Variants in SOX6 observed in about 807,000 individuals in gnomAD.
The protein encoded by SOX6 is transcription factor SOX-6.
In SOX6, 11 loss-of-function variants were observed where a neutral mutation model predicts 97.8. The ratio of observed to expected loss-of-function variants is 0.11; its 90% confidence interval spans 0.07 to 0.19. The LOEUF is 0.19. SOX6 is among the 10% of genes least tolerant of loss of function. The probability of loss-of-function intolerance (pLI) is 1.00; values close to 1 mark genes in which losing one functional copy is unlikely to be tolerated. For synonymous variants in SOX6, 360 were observed against 371.4 expected, an observed-to-expected ratio of 0.97 and a Z score of 0.35; for missense variants, 810 against 1,039.5, an observed-to-expected ratio of 0.78 and a Z score of 3.04.
At chr11:16,218,333 T>C (rs1291712085) in intron 4 of SOX6, among the ~76,000 whole-genome samples, 1 of 152,122 alleles carries the variant, frequency 6.6e-6, no homozygotes, top group South Asian at 2.1e-4. Context: ...TTATATGAAA[T>C]GCATCAAACT....
intron 3 of SOX6, among the ~76,000 whole-genome samples, chr11:16,245,813 A>C (rs1054520523): frequency 3.2e-4 from 49 of 151,428 alleles, no homozygotes; most frequent in African/African-American, 1.2e-3. Flanking sequence ...ACATATTTAC[A>C]TCTTTATATT....
intron 4 of SOX6, among the ~76,000 whole-genome samples, chr11:16,522,201 A>C (rs1464092278): frequency 1.3e-5 from 2 of 152,216 alleles, no homozygotes; most frequent in Non-Finnish European, 2.9e-5. Flanking sequence ...AGTTGAAATG[A>C]AGGAAAAAAT....
intron 1 of SOX6, among the ~76,000 whole-genome samples, chr11:16,391,063 AC>A (rs1177459671): frequency 6.6e-6 from 1 of 152,168 alleles, no homozygotes; most frequent in Non-Finnish European, 1.5e-5. Flanking sequence ...GAAGCTGGAA[AC>A]CGTCATTCTC....
chr11:16,449,277 C>CTTT (rs10611823), intron 1 of SOX6, among the ~76,000 whole-genome samples: 866 of 62,938 alleles, frequency 0.014, 152 homozygotes, highest in African/African-American at 0.036. Context: ...AATGCTCCTT[C>CTTT]TTTTTTTTTT....
chr11:16,419,467 C>G (rs995077166), intron 1 of SOX6, among the ~76,000 whole-genome samples: 1 of 151,552 alleles, frequency 6.6e-6, no homozygotes, highest in African/African-American at 2.4e-5. Flanking sequence ...TCTTTGAAAA[C>G]AAAATCAAGA....
At chr11:16,512,848 C>G (rs4411253) in intron 4 of SOX6, among the ~76,000 whole-genome samples, 147,337 of 152,288 alleles carry the variant, frequency 0.97, 71,475 homozygotes, top group East Asian at 1. Flanking sequence ...AATAACAAAA[C>G]TATCTGAAAA....
At chr11:16,285,231 A>G (rs1312468902) in intron 3 of SOX6, among the ~76,000 whole-genome samples, 1 of 152,172 alleles carries the variant, frequency 6.6e-6, no homozygotes, top group Non-Finnish European at 1.5e-5. Context: ...CTGATAGAAT[A>G]ATTGTAAAAA....
intron 1 of SOX6, among the ~76,000 whole-genome samples, chr11:16,345,872 T>A (rs1856764442): frequency 6.6e-6 from 1 of 152,036 alleles, no homozygotes; most frequent in Admixed American, 6.6e-5. Context: ...AAAGTATCCA[T>A]CTTTCAAAAC....
At chr11:16,313,569 G>A (rs1255071747) in intron 3 of SOX6, 1 of 152,156 alleles carries the variant, frequency 6.6e-6, no homozygotes, top group Non-Finnish European at 1.5e-5. Flanking sequence ...TGGTGGAGCT[G>A]TTATACCTCC....
In SOX6 at chr11:16,518,776, C is replaced by CA. The variant is rs199824776; in HGVS notation, n.610-42389dup. Among the ~76,000 whole-genome samples the CA allele has an allele frequency of 2.5e-3, 381 of 151,630 alleles. 2 individuals carry two copies. Among genetic ancestry groups the CA allele is most frequent in the South Asian group, 7.5e-3 (36 of 4,806 alleles). On this transcript the variant is annotated intron_variant and non_coding_transcript_variant, in intron 4 of 5. Coordinates refer to the SOX6 transcript ENST00000524520. ...CAAACACTGGCAACTATTTTCAACA[C>CA]AAAAAAAACGTAAATAAGCTGTACT... is the stretch of plus-strand genomic sequence containing the variant.
At chr11:16,737,083 A>G (rs1687913115) in intron 1 of SOX6, among the ~76,000 whole-genome samples, 1 of 152,244 alleles carries the variant, frequency 6.6e-6, no homozygotes, top group Non-Finnish European at 1.5e-5. Flanking sequence ...GGTAAGTAAT[A>G]TTTGTACACA....
intron 3 of SOX6, among the ~76,000 whole-genome samples, chr11:16,617,843 T>C (rs1446744896): frequency 6.6e-6 from 1 of 151,928 alleles, no homozygotes; most frequent in Non-Finnish European, 1.5e-5. Flanking sequence ...CTCTTAATAT[T>C]CCATACTCTT....
intron 6 of SOX6, among the ~76,000 whole-genome samples, chr11:16,129,829 C>T (rs1324608813): frequency 1.3e-5 from 2 of 151,788 alleles, no homozygotes; most frequent in East Asian, 3.9e-4. Flanking sequence ...ATATTTGAAA[C>T]ACCTACAGCT....
At position 16,262,332 on chromosome 11, in the gene SOX6, AT is replaced by A. The variant is rs377461247; in HGVS notation, c.446-27662del. On this transcript the variant is annotated intron_variant, in intron 3 of 15. Transcript: ENST00000683767. The stretch of plus-strand genomic sequence containing the variant: ...TTGGTCTAAATGAATATAGGAACAT[AT>A]AGTAAAATATATAAACACAGACCAG... Among the ~76,000 whole-genome samples the A allele has an allele frequency of 3.4e-3, 516 of 152,224 alleles. 2 individuals carry two copies. The highest frequency in any genetic ancestry group is 5.5e-3 in the Non-Finnish European group (372 of 67,938).
intron 2 of SOX6, among the ~76,000 whole-genome samples, chr11:16,719,937 C>G (rs1210363619): frequency 6.6e-6 from 1 of 152,090 alleles, no homozygotes; most frequent in Non-Finnish European, 1.5e-5. Flanking sequence ...CAAACAAAAA[C>G]ACTTTATATC....
chr11:16,124,757 G>A (rs888609677), intron 6 of SOX6, among the ~76,000 whole-genome samples: 5 of 151,996 alleles, frequency 3.3e-5, no homozygotes, highest in African/African-American at 4.8e-5. Context: ...GTCACTGAAG[G>A]GTTTTAAAAG....
intron 4 of SOX6, among the ~76,000 whole-genome samples, chr11:16,493,561 G>C (rs904938034): frequency 2.0e-5 from 3 of 152,080 alleles, no homozygotes; most frequent in Non-Finnish European, 2.9e-5. Context: ...TCTTAACCTG[G>C]GTGGTAGTTA....
At chr11:16,524,211 T>C (rs1861118335) in intron 4 of SOX6, among the ~76,000 whole-genome samples, 1 of 152,012 alleles carries the variant, frequency 6.6e-6, no homozygotes, top group South Asian at 2.1e-4. Flanking sequence ...TTGATGAACA[T>C]TGATGCAAAA....
chr11:16,284,390 C>T (rs545164742), intron 3 of SOX6, among the ~76,000 whole-genome samples: 5 of 152,056 alleles, frequency 3.3e-5, no homozygotes, highest in African/African-American at 4.8e-5. Flanking sequence ...TTTTACTGTA[C>T]GTGGATATAG....
Sources: gnomAD v4.1 joint callset for allele counts (sites outside exome capture counted in the v4.1 genomes callset) on GRCh38, gnomAD v4.1.1 for gene constraint, MANE v1.5 for transcripts, NCBI Gene and HGNC (gene_info 2026-07-23, HGNC 2026-07-21) for gene names.